CARS2: variants seen among roughly 807,000 people sequenced by gnomAD.
CARS2 encodes probable cysteine--tRNA ligase, mitochondrial.
Under a neutral mutation model 68.8 loss-of-function variants are expected in CARS2, and 52 were observed. The observed-to-expected ratio is 0.76, with a 90% CI of 0.61 to 0.95. CARS2 has a LOEUF of 0.95. CARS2 is among the 40% of genes least tolerant of loss of function. The pLI, the probability that CARS2 is intolerant of heterozygous loss-of-function variation, is 0.00. For synonymous variants in CARS2, 314 were observed against 303.6 expected (o/e 1.03, Z -0.36); for missense variants, 780 against 754.2 (o/e 1.03, Z -0.40).
intron 7 of CARS2, among the ~76,000 whole-genome samples, chr13:110,674,740 G>A (rs2062899019): frequency 6.6e-6 from 1 of 152,182 alleles, no homozygotes; most frequent in Non-Finnish European, 1.5e-5. Flanking sequence ...CTTCTGCATA[G>A]CAAAAGAAAC....
At chr13:110,678,277 G>A (rs886590879) in intron 6 of CARS2, among the ~76,000 whole-genome samples, 22 of 152,186 alleles carry the variant, frequency 1.4e-4, no homozygotes, top group African/African-American at 4.3e-4. Context: ...GCGCGTGATC[G>A]TGTCAGGTAA....
At chr13:110,662,285 C>CACG (rs562838305) in intron 9 of CARS2, among the ~76,000 whole-genome samples, 30,518 of 150,052 alleles carry the variant, frequency 0.2, 3,571 homozygotes, top group Admixed American at 0.3. Context: ...CGGGCTCCGA[C>CACG]CCCCCTCTGC....
chr13:110,654,582 C>G (rs2986085), intron 9 of CARS2, among the ~76,000 whole-genome samples: 46,234 of 151,260 alleles, frequency 0.31, 8,251 homozygotes, highest in African/African-American at 0.47. Context: ...AATAGACAAA[C>G]GCATGGAAAT....
chr13:110,651,948 C>T (rs1054515661), intron 9 of CARS2, among the ~76,000 whole-genome samples: 7 of 152,210 alleles, frequency 4.6e-5, no homozygotes, highest in African/African-American at 1.4e-4. Context: ...GAAAGAAAGC[C>T]GAGCTCCGAC....
At chr13:110,671,523 T>A (rs1264885558) in intron 7 of CARS2, among the ~76,000 whole-genome samples, 1 of 152,186 alleles carries the variant, frequency 6.6e-6, no homozygotes, top group Non-Finnish European at 1.5e-5. Context: ...CTGAGAGATG[T>A]TGTCACCACC....
intron 2 of CARS2, among the ~76,000 whole-genome samples, chr13:110,702,286 C>T (rs1457164136): frequency 1.3e-5 from 2 of 152,268 alleles, no homozygotes; most frequent in East Asian, 3.9e-4. Flanking sequence ...CCACACACCC[C>T]CTCCCTCTCC....
In CARS2 at chr13:110,641,601, C is replaced by T. The variant is rs747870375; in HGVS notation, c.1631G>A (p.Ser544Asn). Residue 544 changes from serine (S) to asparagine (N), a missense_variant, in exon 15 of 15, where the codon AGC becomes AAC. By Grantham distance (46) the Ser-to-Asn change is conservative. Coordinates refer to ENST00000257347, the MANE Select transcript of CARS2 (RefSeq NM_024537.4). Reference protein sequence around the residue: ...TAHGINIKDRSSTTSTWELLD... With the variant: ...TAHGINIKDRNSTTSTWELLD... ...CAGTTCCCACGTGGATGTTGTACTG[C>T]TTCTGTCCTGGAGAAGAAGAGTGAG... 1.1e-5 allele frequency: 18 copies of T among 1,613,692 alleles called. No individual in the cohort carries two copies. Among genetic ancestry groups the T allele is most frequent in the Non-Finnish European group, 1.5e-5 (18 of 1,179,640 alleles).
rs1594239203 is a variant in CARS2 at position 110,651,041 on chromosome 13, G to T, written c.1047C>A (p.Tyr349Ter). ...VFRFFCLRSS[Y>*]RSAIDYSDSA... ...CACGTGTGCTCGGCTCACCTGAGCGGTAGCTGCTCCGCAGGCAGAAGAACC... is the reference window on the plus strand; with the variant it reads ...CACGTGTGCTCGGCTCACCTGAGCGTTAGCTGCTCCGCAGGCAGAAGAACC... The change falls in exon 10 of 15, where the codon TAC (tyrosine) becomes TAA (stop). Residue 349 changes from tyrosine (Y) to a stop codon, truncating the protein, a stop_gained. Coordinates refer to ENST00000257347, the MANE Select transcript of CARS2 (RefSeq NM_024537.4). LOFTEE classifies it high-confidence loss of function. 1 of 1,612,936 alleles carries T rather than the reference G, an allele frequency of 6.2e-7. No individual in the cohort carries two copies. Among genetic ancestry groups the T allele is most frequent in the East Asian group, 2.2e-5 (1 of 44,876 alleles).
rs1158618574 is a variant in CARS2 at position 110,670,755 on chromosome 13, C to G, written c.786-3282G>C. On this transcript the variant is annotated intron_variant, in intron 7 of 14. Coordinates refer to ENST00000257347, the MANE Select transcript of CARS2 (RefSeq NM_024537.4). The surrounding 1 kb of genome is among the most constrained non-coding windows in gnomAD (Gnocchi z 4.1). ...GAAGGCTTCAGACGATCGGTAATAACAAACTTCTCCGAGCTAAAGGAGGAT... is the reference window on the plus strand; with the variant it reads ...GAAGGCTTCAGACGATCGGTAATAAGAAACTTCTCCGAGCTAAAGGAGGAT... Among the ~76,000 whole-genome samples, 1 of 152,192 alleles carries G rather than the reference C, an allele frequency of 6.6e-6. No individual in the cohort carries two copies. Among genetic ancestry groups the G allele is most frequent in the Non-Finnish European group, 1.5e-5 (1 of 68,032 alleles).
chr13:110,663,772 T>C, intron 8 of CARS2: 1 of 1,250,968 alleles, frequency 8.0e-7, no homozygotes, highest in South Asian at 3.1e-5. Context: ...CCCAGCTGAC[T>C]CAGAAGCTAA....
intron 8 of CARS2, chr13:110,666,960 G>A (rs184035479): frequency 3.0e-6 from 3 of 985,294 alleles, no homozygotes; most frequent in Admixed American, 1.2e-4. Flanking sequence ...TTTGAACAGT[G>A]GAAGAAAGGG....
Position 110,677,080 on chromosome 13 carries a change from T to C in CARS2, c.679A>G (p.Ser227Gly), listed in dbSNP as rs764196168. The change falls in exon 7 of 15, where the codon AGT (serine) becomes GGT (glycine). Residue 227 changes from serine (S) to glycine (G), a missense_variant. Ser to Gly is a moderately conservative substitution (Grantham distance 56). Transcript: ENST00000257347. ...EPADSDKRHA[S>G]DFALWKAAKP... ...GCCGCCTTCCACAGGGCGAAGTCAC[T>C]GGCATGACGCTTGTCAGAGTCCGCT... 1.2e-6 allele frequency: 2 copies of C among 1,609,232 alleles called. No homozygotes were observed. The highest frequency in any genetic ancestry group is 2.7e-5 in the African/African-American group (2 of 74,780).
chr13:110,712,479 G>A (rs935273293), intron 1 of CARS2: 39 of 226,894 alleles, frequency 1.7e-4, no homozygotes, highest in African/African-American at 8.6e-4. Context: ...CAGGCGGGAA[G>A]TGCACAAAGG....
chr13:110,644,231 G>A, intron 13 of CARS2, 154 bp downstream of exon 13: 1 of 1,420,620 alleles, frequency 7.0e-7, no homozygotes, highest in East Asian at 2.6e-5. Flanking sequence ...TTGGCTCTGA[G>A]TGTGTTTATT....
At chr13:110,651,003 G>A in intron 10 of CARS2, 31 bp downstream of exon 10, 1 of 1,545,656 alleles carries the variant, frequency 6.5e-7, no homozygotes, top group Non-Finnish European at 8.9e-7. Flanking sequence ...CGAGCTGGGG[G>A]GGGAGTCCAC....
At chr13:110,654,662 A>C (rs1346958748) in intron 9 of CARS2, among the ~76,000 whole-genome samples, 2 of 152,030 alleles carry the variant, frequency 1.3e-5, no homozygotes, top group Non-Finnish European at 2.9e-5. Flanking sequence ...TCACACCTGT[A>C]ATCCCAGCGC....
At position 110,712,892 on chromosome 13, in the gene CARS2, G is replaced by T. The variant is rs371787190; in HGVS notation, n.399+245C>A. On this transcript the variant is annotated intron_variant and non_coding_transcript_variant, in intron 1 of 2. Coordinates refer to the CARS2 transcript ENST00000485188. ...AGCCGTTCCAAACTGAGTACCGGGA[G>T]ACGACACAAAGGGAGGGCGGTGACG... The T allele has an allele frequency of 1.6e-5, 23 of 1,463,756 alleles. No homozygotes were observed. The Admixed American group carries it at 4.3e-4, about 27-fold the overall frequency. The allele number at this position is 1,463,756 out of a possible 1,614,324, so 90.7% of individuals were successfully genotyped here. A position where few individuals can be genotyped will look rare whatever the true frequency, so the allele number is the denominator to read the frequency against.
In CARS2 at chr13:110,670,067, G is replaced by A. The variant is rs983993322; in HGVS notation, c.786-2594C>T. 3.3e-5 allele frequency among the ~76,000 whole-genome samples: 5 copies of A among 152,190 alleles called. No homozygotes were observed. Among genetic ancestry groups the A allele is most frequent in the Non-Finnish European group, 4.4e-5 (3 of 68,044 alleles). On this transcript the variant is annotated intron_variant, in intron 7 of 14. Transcript: ENST00000257347. This position sits in a 1 kb window ranked among gnomAD's most constrained non-coding sequence, Gnocchi z 4.1. Reference sequence around the variant, plus strand: ...GGTAAACAAAGTGTCCAGGAAGCTCGAACTGGGTGGAGCCCACTACAGCTC... The same window carrying A: ...GGTAAACAAAGTGTCCAGGAAGCTCAAACTGGGTGGAGCCCACTACAGCTC...
At chr13:110,687,455 G>T (rs2063331613) in intron 5 of CARS2, among the ~76,000 whole-genome samples, 1 of 151,970 alleles carries the variant, frequency 6.6e-6, no homozygotes, top group African/African-American at 2.4e-5. Flanking sequence ...GGATCACAAG[G>T]TCAGGAGTTT....
Sources: gnomAD v4.1 joint callset for allele counts (sites outside exome capture counted in the v4.1 genomes callset) on GRCh38, gnomAD v4.1.1 for gene constraint, Gnocchi (gnomAD v3.1) non-coding constraint, MANE v1.5 for transcripts, NCBI Gene and HGNC (gene_info 2026-07-23, HGNC 2026-07-21) for gene names.